Variants in FOXP2 observed in about 807,000 individuals in gnomAD.
The protein encoded by FOXP2 is forkhead box protein P2.
Under a neutral mutation model 115.8 loss-of-function variants are expected in FOXP2, and 12 were observed. That is an observed-to-expected ratio of 0.10 (90% CI 0.07 to 0.17). The LOEUF is 0.17. Ranked by LOEUF, FOXP2 falls within the 10% of genes least tolerant of loss-of-function variation. FOXP2 has a pLI of 1.00. For synonymous variants in FOXP2, 328 were observed against 297.7 expected, an observed-to-expected ratio of 1.10 and a Z score of -1.05; for missense variants, 629 against 843.5, an observed-to-expected ratio of 0.75 and a Z score of 3.15.
chr7:114,398,060 A>C (rs1014145409), intron 2 of FOXP2, among the ~76,000 whole-genome samples: 21 of 152,308 alleles, frequency 1.4e-4, no homozygotes, highest in African/African-American at 5.1e-4. Flanking sequence ...ACAAAAGAGA[A>C]GACAAAGAGA....
intron 2 of FOXP2, among the ~76,000 whole-genome samples, chr7:114,328,688 C>T (rs1797621281): frequency 6.6e-6 from 1 of 152,172 alleles, no homozygotes; most frequent in African/African-American, 2.4e-5. Flanking sequence ...ATATAAGGGT[C>T]TCTAATCATG....
intron 1 of FOXP2, among the ~76,000 whole-genome samples, chr7:114,212,634 C>G (rs994741542): frequency 6.6e-6 from 1 of 151,690 alleles, no homozygotes; most frequent in Non-Finnish European, 1.5e-5. Flanking sequence ...CTTTCCTCTT[C>G]CAAGTATTTT....
At chr7:114,495,479 C>CTTTTTTTTTTTTTTTTTTTTTTTTTT (rs1797263196) in intron 2 of FOXP2, among the ~76,000 whole-genome samples, 1 of 94,076 alleles carries the variant, frequency 1.1e-5, no homozygotes, top group African/African-American at 4.1e-5. Context: ...TTCTTTCTCT[C>CTTTTTTTTTTTTTTTTTTTTTTTTTT]TCTCTTTTTT....
At chr7:114,216,190 C>G (rs1296901680) in intron 1 of FOXP2, among the ~76,000 whole-genome samples, 2 of 152,176 alleles carry the variant, frequency 1.3e-5, no homozygotes, top group Admixed American at 6.5e-5. Flanking sequence ...CAGAATGAAG[C>G]TAATGGCATT....
intron 1 of FOXP2, among the ~76,000 whole-genome samples, chr7:114,189,144 C>T (rs1793690784): frequency 6.6e-6 from 1 of 152,102 alleles, no homozygotes; most frequent in South Asian, 2.1e-4. Flanking sequence ...TAAGCCTATA[C>T]CCAATTAACT....
chr7:114,314,741 T>C (rs1797233159), intron 2 of FOXP2, among the ~76,000 whole-genome samples: 1 of 152,156 alleles, frequency 6.6e-6, no homozygotes, highest in Non-Finnish European at 1.5e-5. Flanking sequence ...AAAGAAGCTA[T>C]ATTGGCAATT....
chr7:114,503,885 T>G (rs1486728577), intron 2 of FOXP2, among the ~76,000 whole-genome samples: 1 of 151,246 alleles, frequency 6.6e-6, no homozygotes, highest in Non-Finnish European at 1.5e-5. Flanking sequence ...ATATCAAAAT[T>G]TAATATAAAT....
At chr7:114,390,691 A>C (rs1792573835) in intron 2 of FOXP2, among the ~76,000 whole-genome samples, 1 of 151,744 alleles carries the variant, frequency 6.6e-6, no homozygotes, top group Admixed American at 6.6e-5. Context: ...AGTAGCTGGG[A>C]CTACAGCTGC....
chr7:114,315,116 T>C (rs1255672654), intron 2 of FOXP2, among the ~76,000 whole-genome samples: 2 of 152,208 alleles, frequency 1.3e-5, no homozygotes, highest in Non-Finnish European at 2.9e-5. Context: ...TCACTGTCTT[T>C]GTGTTGGCTT....
intron 1 of FOXP2, among the ~76,000 whole-genome samples, chr7:114,116,946 G>C (rs890870649): frequency 6.6e-6 from 1 of 151,964 alleles, no homozygotes; most frequent in East Asian, 1.9e-4. Context: ...GCATACTCTG[G>C]GAAAGGCTCT....
chr7:114,438,591 T>C (rs952262431), intron 2 of FOXP2, among the ~76,000 whole-genome samples: 1 of 152,078 alleles, frequency 6.6e-6, no homozygotes, highest in African/African-American at 2.4e-5. Context: ...TGAATATATG[T>C]GTTTCGTTAG....
chr7:114,464,247 A>G (rs1795710597), intron 2 of FOXP2, among the ~76,000 whole-genome samples: 1 of 152,112 alleles, frequency 6.6e-6, no homozygotes, highest in Non-Finnish European at 1.5e-5. Flanking sequence ...GAGAGGGAGG[A>G]GAGAGAGAAA....
intron 2 of FOXP2, among the ~76,000 whole-genome samples, chr7:114,457,072 T>C (rs1208101230): frequency 6.6e-6 from 1 of 152,146 alleles, no homozygotes; most frequent in Non-Finnish European, 1.5e-5. Context: ...GGATGAATAA[T>C]TCTGGAGATC....
intron 1 of FOXP2, among the ~76,000 whole-genome samples, chr7:114,230,556 T>C (rs1262934512): frequency 6.6e-6 from 1 of 151,930 alleles, no homozygotes; most frequent in Non-Finnish European, 1.5e-5. Context: ...GGAATACAAG[T>C]AAGGTTTAAC....
rs201819725 is a variant in FOXP2, at chr7:114,644,800, T to A, written c.1094+11T>A. On this transcript the variant is annotated intron_variant, in intron 8 of 16. Coordinates refer to ENST00000350908, the MANE Select transcript of FOXP2 (RefSeq NM_014491.4). ...TGGACAGTTTTTAAAGTAGGTTTTT[T>A]ACTTTTTTTTGGTGGGGGGCGGGGG... is the stretch of plus-strand genomic sequence containing the variant. 1.9e-6 allele frequency: 3 copies of A among 1,606,772 alleles called. No individual in the cohort carries two copies. Among genetic ancestry groups the A allele is most frequent in the East Asian group, 2.2e-5 (1 of 44,510 alleles).
intron 2 of FOXP2, among the ~76,000 whole-genome samples, chr7:114,386,329 C>T (rs1307092779): frequency 6.6e-6 from 1 of 152,100 alleles, no homozygotes; most frequent in African/African-American, 2.4e-5. Flanking sequence ...TTTTTTAAAG[C>T]TTTTTAAGCT....
chr7:114,335,597 C>T (rs888651542), intron 2 of FOXP2, among the ~76,000 whole-genome samples: 4 of 151,428 alleles, frequency 2.6e-5, no homozygotes, highest in Non-Finnish European at 4.4e-5. Context: ...GAATTATTTC[C>T]GAAGAATGCA....
At chr7:114,256,848 A>G (rs1795626342) in intron 1 of FOXP2, among the ~76,000 whole-genome samples, 1 of 152,252 alleles carries the variant, frequency 6.6e-6, no homozygotes. Context: ...AAGAATCAAT[A>G]TAGTGAAAAT....
intron 2 of FOXP2, among the ~76,000 whole-genome samples, chr7:114,519,316 G>A (rs1798498516): frequency 6.6e-6 from 1 of 152,114 alleles, no homozygotes; most frequent in South Asian, 2.1e-4. Flanking sequence ...TCCTGAGTGT[G>A]TATTTTGGAT....
Sources: gnomAD v4.1 joint callset for allele counts (sites outside exome capture counted in the v4.1 genomes callset) on GRCh38, gnomAD v4.1.1 for gene constraint, MANE v1.5 for transcripts, NCBI Gene and HGNC (gene_info 2026-07-23, HGNC 2026-07-21) for gene names.